The following VAT1L variants were observed in gnomAD, a reference collection of about 807,000 sequenced individuals.
VAT1L encodes putative NADPH-dependent quinone oxidoreductase VAT1L.
In VAT1L, 34 loss-of-function variants were observed where a neutral mutation model predicts 44.1. That is an observed-to-expected ratio of 0.77 (90% CI 0.59 to 1.03). The LOEUF (loss-of-function observed/expected upper bound fraction) is 1.03. Ranked by LOEUF, VAT1L falls within the 50% of genes least tolerant of loss-of-function variation. The probability of loss-of-function intolerance (pLI) is 0.00; values close to 1 mark genes in which losing one functional copy is unlikely to be tolerated. For missense variants in VAT1L, 615 were observed against 538.8 expected (o/e 1.14, Z -1.40); for synonymous variants, 253 against 202.2 (o/e 1.25, Z -2.13).
chr16:77,937,660 C>T (rs1239123764), intron 7 of VAT1L, among the ~76,000 whole-genome samples: 1 of 152,246 alleles, frequency 6.6e-6, no homozygotes, highest in Non-Finnish European at 1.5e-5. Context: ...TGCTCTGTTA[C>T]ATCCCAGTAT....
At chr16:77,945,077 A>G (rs2017943189) in intron 7 of VAT1L, among the ~76,000 whole-genome samples, 1 of 152,188 alleles carries the variant, frequency 6.6e-6, no homozygotes, top group Admixed American at 6.5e-5. Flanking sequence ...CATACAGATT[A>G]TCCAGCTTAA....
chr16:77,820,258 G>T (rs1206254056), intron 2 of VAT1L, among the ~76,000 whole-genome samples: 1 of 151,980 alleles, frequency 6.6e-6, no homozygotes, highest in African/African-American at 2.4e-5. Context: ...AATAGTCATG[G>T]TGACTCCCAG....
chr16:77,809,474 G>A (rs2016226402), intron 1 of VAT1L, among the ~76,000 whole-genome samples: 1 of 151,832 alleles, frequency 6.6e-6, no homozygotes, highest in African/African-American at 2.4e-5. Flanking sequence ...TTTTTTCCAT[G>A]GGAACAGCTG....
chr16:77,832,013 A>G (rs2016585112), intron 3 of VAT1L, among the ~76,000 whole-genome samples: 1 of 128,970 alleles, frequency 7.8e-6, no homozygotes, highest in Non-Finnish European at 1.6e-5. Context: ...ATTTTAGTAG[A>G]GACAGGGATT....
chr16:77,944,490 TC>T lies in VAT1L; in HGVS notation c.1078-27358del, dbSNP rs2017934754. ...ATTCCCATCATTAAATCCTCGCTCTTCCACTTTTTTAGCTCTGTGACCATGA... is the reference window on the plus strand; with the variant it reads ...ATTCCCATCATTAAATCCTCGCTCTTCACTTTTTTAGCTCTGTGACCATGA... On this transcript the variant is annotated intron_variant, in intron 7 of 8. Transcript: ENST00000302536. Among the ~76,000 whole-genome samples the T allele has an allele frequency of 2.0e-5, 3 of 152,310 alleles. No individual in the cohort carries two copies. In the South Asian group the frequency reaches 6.2e-4, roughly 32 times the overall value.
chr16:77,795,928 C>T (rs28633626), intron 1 of VAT1L, among the ~76,000 whole-genome samples: 27,699 of 149,076 alleles, frequency 0.19, 2,923 homozygotes, highest in African/African-American at 0.28. Context: ...CAAGTTCAAG[C>T]GATTCTCCTG....
intron 1 of VAT1L, among the ~76,000 whole-genome samples, chr16:77,792,262 C>T (rs1430874462): frequency 6.6e-6 from 1 of 152,088 alleles, no homozygotes; most frequent in East Asian, 1.9e-4. Flanking sequence ...TCATTTTAAT[C>T]ATGTATATAA....
intron 5 of VAT1L, among the ~76,000 whole-genome samples, chr16:77,878,315 G>A (rs541117559): frequency 9.9e-5 from 15 of 152,282 alleles, no homozygotes; most frequent in Admixed American, 4.6e-4. Flanking sequence ...GCTAAATAGT[G>A]TAAAATACAC....
In VAT1L at chr16:77,884,666, C is replaced by T. The variant is rs764373444; in HGVS notation, c.941C>T (p.Ala314Val). The change falls in exon 7 of 9, where the codon GCG (alanine) becomes GTG (valine). Residue 314 changes from alanine (A) to valine (V), a missense_variant. Transcript: ENST00000302536. This position sits in a 1 kb window ranked among gnomAD's most constrained non-coding sequence, Gnocchi z 4.5. Reference sequence around the variant, plus strand: ...CTGTATGAGGAGAACAAAGTCATCGCGGGGTTTTCCCTTTTAAATCTGCTC... The same window carrying T: ...CTGTATGAGGAGAACAAAGTCATCGTGGGGTTTTCCCTTTTAAATCTGCTC... Reference protein sequence around the residue: ...IKLYEENKVIAGFSLLNLLFK... With the variant: ...IKLYEENKVIVGFSLLNLLFK... 7.4e-6 allele frequency: 12 copies of T among 1,613,364 alleles called. No individual in the cohort carries two copies. The highest frequency in any genetic ancestry group is 5.5e-5 in the South Asian group (5 of 90,862).
At chr16:77,892,900 CTG>C (rs2017283053) in intron 7 of VAT1L, 3 of 1,102,624 alleles carry the variant, frequency 2.7e-6, no homozygotes, top group African/African-American at 1.5e-5. Flanking sequence ...CCATTGCTGA[CTG>C]TGGACAAATC....
chr16:77,920,282 G>T (rs889849677), intron 7 of VAT1L, among the ~76,000 whole-genome samples: 1 of 152,108 alleles, frequency 6.6e-6, no homozygotes, highest in African/African-American at 2.4e-5. Flanking sequence ...CTGATCTGGT[G>T]TGAGTTACGA....
chr16:77,962,448 G>A (rs905891875), intron 7 of VAT1L, among the ~76,000 whole-genome samples: 2 of 152,080 alleles, frequency 1.3e-5, no homozygotes, highest in Non-Finnish European at 2.9e-5. Context: ...GAAGGCCAGG[G>A]TAGGCCCCTC....
chr16:77,862,695 G>T (rs2016928272), intron 3 of VAT1L, 53 bp from the exon 4 acceptor site: 2 of 1,577,410 alleles, frequency 1.3e-6, no homozygotes, highest in Non-Finnish European at 1.7e-6. Context: ...AGCAAGACTG[G>T]CTATGATCTG....
chr16:77,825,425 G>C lies in VAT1L; in HGVS notation c.543G>C (p.Gly181=). Residue 181 remains glycine (G), a synonymous_variant, in exon 3 of 9, where the codon GGG becomes GGC. Coordinates refer to ENST00000302536, the MANE Select transcript of VAT1L (RefSeq NM_020927.3). ...TTGAAGTTGCCAACCTCCGGGAAGG[G>C]ATGTCTGTGCTCGTGCACTCAGCTG... ...MLFEVANLRE[G]MSVLVHSAGG... 6.2e-7 allele frequency: 1 copy of C among 1,606,320 alleles called. No homozygotes were observed. Among genetic ancestry groups the C allele is most frequent in the Non-Finnish European group, 8.5e-7 (1 of 1,176,008 alleles).
intron 7 of VAT1L, among the ~76,000 whole-genome samples, chr16:77,955,292 A>C (rs931116060): frequency 4.6e-5 from 7 of 152,194 alleles, no homozygotes; most frequent in African/African-American, 1.7e-4. Context: ...TTTGTTTGTC[A>C]CAACGGGGTA....
chr16:77,911,745 T>C (rs2017501772), intron 7 of VAT1L, among the ~76,000 whole-genome samples: 1 of 152,038 alleles, frequency 6.6e-6, no homozygotes, highest in African/African-American at 2.4e-5. Context: ...CCCAAGGGGA[T>C]GGATGGGGCT....
At chr16:77,907,265 C>G (rs1311937054) in intron 7 of VAT1L, among the ~76,000 whole-genome samples, 3 of 152,188 alleles carry the variant, frequency 2.0e-5, no homozygotes, top group African/African-American at 7.2e-5. Context: ...ACTCCAGTTC[C>G]ACAGAGTTGG....
At chr16:77,803,416 T>A (rs1013661324) in intron 1 of VAT1L, among the ~76,000 whole-genome samples, 4 of 109,978 alleles carry the variant, frequency 3.6e-5, no homozygotes, top group Admixed American at 2.2e-4. Context: ...TACTAGACAT[T>A]CTTTTTTTTT....
At chr16:77,922,856 G>C (rs2017626921) in intron 7 of VAT1L, among the ~76,000 whole-genome samples, 1 of 152,168 alleles carries the variant, frequency 6.6e-6, no homozygotes, top group Admixed American at 6.5e-5. Context: ...CACTGTGCCA[G>C]TGGCCCTCAA....
Sources: gnomAD v4.1 joint callset for allele counts (sites outside exome capture counted in the v4.1 genomes callset) on GRCh38, gnomAD v4.1.1 for gene constraint, Gnocchi (gnomAD v3.1) non-coding constraint, MANE v1.5 for transcripts, NCBI Gene and HGNC (gene_info 2026-07-23, HGNC 2026-07-21) for gene names.